SPECC1: variants seen among roughly 807,000 people sequenced by gnomAD.
The protein encoded by SPECC1 is sperm antigen with calponin homology and coiled-coil domains 1.
Under a neutral mutation model 104.1 loss-of-function variants are expected in SPECC1, and 62 were observed. The observed-to-expected ratio is 0.60, with a 90% CI of 0.49 to 0.74. SPECC1 has a LOEUF of 0.74. SPECC1 is among the 30% of genes least tolerant of loss of function. The pLI is 0.00. For missense variants in SPECC1, 1,306 were observed against 1,310.5 expected (o/e 1.00, Z 0.05); for synonymous variants, 513 against 501.6 (o/e 1.02, Z -0.30).
chr17:20,298,946 A>G (rs565921968), intron 13 of SPECC1, among the ~76,000 whole-genome samples: 1 of 45,794 alleles, frequency 2.2e-5, no homozygotes, highest in African/African-American at 1.3e-4. Context: ...AGAGAGAGAG[A>G]GAGTGTGTGT....
chr17:20,163,459 A>C (rs1036150179), intron 3 of SPECC1, among the ~76,000 whole-genome samples: 3 of 152,070 alleles, frequency 2.0e-5, no homozygotes, highest in African/African-American at 7.3e-5. Flanking sequence ...AGTCTGACAA[A>C]AAAATCCAGT....
chr17:20,097,840 C>T (rs187814887), intron 2 of SPECC1, among the ~76,000 whole-genome samples: 15 of 152,242 alleles, frequency 9.9e-5, no homozygotes, highest in African/African-American at 3.1e-4. Context: ...GTGTGTGGGT[C>T]GTGGAGCAGT....
chr17:20,309,410 T>A (rs2041864375), intron 14 of SPECC1, among the ~76,000 whole-genome samples: 1 of 152,222 alleles, frequency 6.6e-6, no homozygotes, highest in South Asian at 2.1e-4. Flanking sequence ...TAATTTCAAC[T>A]TTTATTTTAG....
At chr17:20,112,913 C>T (rs2048565369) in intron 3 of SPECC1, 1 of 1,525,940 alleles carries the variant, frequency 6.6e-7, no homozygotes, top group Non-Finnish European at 9.1e-7. Flanking sequence ...AGAAGCCAAC[C>T]TGAGAGGGTC....
At chr17:20,103,359 T>A (rs1487913491) in intron 2 of SPECC1, among the ~76,000 whole-genome samples, 1 of 152,180 alleles carries the variant, frequency 6.6e-6, no homozygotes, top group African/African-American at 2.4e-5. Flanking sequence ...CTCAGTGTGT[T>A]CTGTGTGGTT....
Position 20,204,829 on chromosome 17 carries a change from C to T in SPECC1, c.780C>T (p.Ser260=), listed in dbSNP as rs369132665. 29 of 1,613,880 alleles carry T rather than the reference C, an allele frequency of 1.8e-5. No individual in the cohort carries two copies. The African/African-American group carries it at 3.5e-4, about 19-fold the overall frequency. Residue 260 remains serine (S), a synonymous_variant, in exon 4 of 15, where the codon TCC becomes TCT. Coordinates refer to ENST00000395527, the MANE Select transcript of SPECC1 (RefSeq NM_001243439.2). The stretch of plus-strand genomic sequence containing the variant: ...AGAAACTGATCTATCTTGAGCACTC[C>T]CCAAATTCAGAAGGGGCAGCAAGTC... ...LKEKLIYLEH[S]PNSEGAASHT... is the part of the protein sequence containing the mutation.
At chr17:20,160,361 C>G (rs980542871) in intron 3 of SPECC1, among the ~76,000 whole-genome samples, 1 of 152,044 alleles carries the variant, frequency 6.6e-6, no homozygotes, top group African/African-American at 2.4e-5. Context: ...TGTGGAGGAC[C>G]CTGCCCGAGG....
At chr17:20,304,052 G>A (rs1277852203) in intron 13 of SPECC1, among the ~76,000 whole-genome samples, 1 of 144,602 alleles carries the variant, frequency 6.9e-6, no homozygotes, top group Non-Finnish European at 1.5e-5. Flanking sequence ...TAGGCAGATC[G>A]CTTGAGCCCA....
intron 14 of SPECC1, among the ~76,000 whole-genome samples, chr17:20,311,964 A>T (rs944266599): frequency 5.3e-5 from 8 of 152,320 alleles, no homozygotes; most frequent in Admixed American, 3.9e-4. Flanking sequence ...ACATCAGTTT[A>T]CAAATGTTGA....
chr17:20,065,048 A>G (rs1268259637), intron 1 of SPECC1, among the ~76,000 whole-genome samples: 2 of 152,218 alleles, frequency 1.3e-5, no homozygotes, highest in African/African-American at 2.4e-5. Flanking sequence ...GCTTGTGTCA[A>G]ATTTCAGATT....
intron 3 of SPECC1, among the ~76,000 whole-genome samples, chr17:20,130,227 A>G (rs2152546446): frequency 6.6e-6 from 1 of 152,282 alleles, no homozygotes; most frequent in Non-Finnish European, 1.5e-5. Context: ...TGGAAAGGGT[A>G]TCCTTTCTCT....
intron 7 of SPECC1, among the ~76,000 whole-genome samples, chr17:20,240,673 C>T (rs1479066700): frequency 1.3e-5 from 2 of 152,166 alleles, no homozygotes; most frequent in Non-Finnish European, 2.9e-5. Context: ...GAAATCCCAC[C>T]TTTACATGGT....
At chr17:20,136,532 T>C (rs947099917) in intron 3 of SPECC1, among the ~76,000 whole-genome samples, 2 of 152,200 alleles carry the variant, frequency 1.3e-5, no homozygotes, top group Non-Finnish European at 2.9e-5. Flanking sequence ...AGTTTACTTA[T>C]TCAAAATGTA....
Position 20,270,433 on chromosome 17 carries a change from C to CAAAA in SPECC1, c.2940+10170_2940+10173dup, listed in dbSNP as rs71157863. Among the ~76,000 whole-genome samples, 52 of 43,574 alleles carry CAAAA rather than the reference C, an allele frequency of 1.2e-3. 2 individuals carry two copies. The highest frequency in any genetic ancestry group is 1.9e-3 in the Admixed American group (5 of 2,578). The allele number at this position is 43,574 out of a possible 152,430, so 28.6% of individuals were successfully genotyped here. On this transcript the variant is annotated intron_variant, in intron 12 of 14. Transcript: ENST00000395527. ...CAACATAGCAAGGCCCTGTCTTTACCAAAAAAAAAAAAAAAAAAAAAAAAA... is the reference window on the plus strand; with the variant it reads ...CAACATAGCAAGGCCCTGTCTTTACCAAAAAAAAAAAAAAAAAAAAAAAAAAAAA...
intron 12 of SPECC1, among the ~76,000 whole-genome samples, chr17:20,282,204 G>C (rs1490260998): frequency 6.6e-6 from 1 of 152,232 alleles, no homozygotes; most frequent in Non-Finnish European, 1.5e-5. Context: ...GAAAGACAGG[G>C]CCCCAGCTGC....
intron 1 of SPECC1, among the ~76,000 whole-genome samples, chr17:20,091,608 C>T (rs2047404646): frequency 2.0e-5 from 3 of 152,200 alleles, no homozygotes; most frequent in African/African-American, 4.8e-5. Context: ...TAGAAGAGGT[C>T]AGGAGCAAAT....
intron 3 of SPECC1, among the ~76,000 whole-genome samples, chr17:20,128,984 C>T (rs887098652): frequency 6.6e-6 from 1 of 152,080 alleles, no homozygotes; most frequent in African/African-American, 2.4e-5. Flanking sequence ...CCTCAAACTC[C>T]TGGCCTCAAA....
intron 3 of SPECC1, among the ~76,000 whole-genome samples, chr17:20,114,498 T>G (rs1177633969): frequency 6.8e-6 from 1 of 146,512 alleles, no homozygotes. Context: ...CCTGTTTTTT[T>G]TTTTGTTTTT....
At chr17:20,209,603 C>A (rs1288459965) in intron 4 of SPECC1, among the ~76,000 whole-genome samples, 1 of 151,464 alleles carries the variant, frequency 6.6e-6, no homozygotes, top group Non-Finnish European at 1.5e-5. Context: ...TTATTTTTTT[C>A]AACTTCTCTG....
Sources: gnomAD v4.1 joint callset for allele counts (sites outside exome capture counted in the v4.1 genomes callset) on GRCh38, gnomAD v4.1.1 for gene constraint, MANE v1.5 for transcripts, NCBI Gene and HGNC (gene_info 2026-07-23, HGNC 2026-07-21) for gene names.